Variants in DCLK1 observed in about 807,000 individuals in gnomAD.
DCLK1 encodes serine/threonine-protein kinase DCLK1.
DCLK1 carries 16 observed loss-of-function variants against 86.2 expected under a neutral mutation model. The ratio of observed to expected loss-of-function variants is 0.19; its 90% CI spans 0.13 to 0.28. DCLK1 has a LOEUF of 0.28. DCLK1 is among the 10% of genes least tolerant of loss of function. The probability of loss-of-function intolerance (pLI) is 1.00; values close to 1 mark genes in which losing one functional copy is unlikely to be tolerated. For synonymous variants in DCLK1, 369 were observed against 370.5 expected (o/e 1.00, Z 0.05); for missense variants, 590 against 940.2 (o/e 0.63, Z 4.87).
At chr13:35,882,460 T>C (rs1872972296) in intron 4 of DCLK1, among the ~76,000 whole-genome samples, 1 of 152,372 alleles carries the variant, frequency 6.6e-6, no homozygotes. Flanking sequence ...ATCACTTTGA[T>C]ACCAGCCTCT....
intron 4 of DCLK1, among the ~76,000 whole-genome samples, chr13:35,924,165 C>T (rs897247263): frequency 2.6e-5 from 4 of 152,158 alleles, no homozygotes; most frequent in African/African-American, 4.8e-5. Context: ...GCAGCTGCCT[C>T]ATCTGGTTCA....
At chr13:36,014,837 A>T (rs1198853736) in intron 3 of DCLK1, among the ~76,000 whole-genome samples, 3 of 152,188 alleles carry the variant, frequency 2.0e-5, no homozygotes, top group African/African-American at 7.2e-5. Flanking sequence ...ATTTCAAGTA[A>T]ATCATATGTT....
intron 15 of DCLK1, among the ~76,000 whole-genome samples, chr13:35,799,591 G>A (rs1300889789): frequency 6.6e-6 from 1 of 151,986 alleles, no homozygotes; most frequent in East Asian, 1.9e-4. Context: ...AAAATAATTT[G>A]ATGTAAAACA....
At chr13:36,033,056 C>T (rs565029990) in intron 3 of DCLK1, among the ~76,000 whole-genome samples, 2 of 152,182 alleles carry the variant, frequency 1.3e-5, no homozygotes, top group Non-Finnish European at 2.9e-5. Flanking sequence ...ACACACTGTG[C>T]GCCAAACATA....
chr13:35,955,086 C>G (rs1301968317), intron 3 of DCLK1, among the ~76,000 whole-genome samples: 1 of 152,152 alleles, frequency 6.6e-6, no homozygotes, highest in East Asian at 1.9e-4. Context: ...TGAACATACC[C>G]TCTGACCCAG....
chr13:35,847,691 T>C (rs1870308016), intron 6 of DCLK1: 2 of 950,858 alleles, frequency 2.1e-6, no homozygotes, highest in Non-Finnish European at 2.5e-6. Context: ...CTTCAGGGCA[T>C]GTGTTGGAAA....
chr13:36,115,625 C>G (rs988244147), intron 2 of DCLK1, among the ~76,000 whole-genome samples: 9 of 151,842 alleles, frequency 5.9e-5, no homozygotes, highest in African/African-American at 2.2e-4. Flanking sequence ...CTAAGACACT[C>G]CAACAAATAG....
chr13:35,892,744 C>T (rs1438836355), intron 4 of DCLK1, among the ~76,000 whole-genome samples: 3 of 152,202 alleles, frequency 2.0e-5, no homozygotes, highest in Non-Finnish European at 4.4e-5. Flanking sequence ...CAGGCTGTTT[C>T]CCCTTCAACC....
chr13:35,805,788 G>T lies in DCLK1; in HGVS notation c.1864-9C>A. On this transcript the variant is annotated splice_polypyrimidine_tract_variant and intron_variant, in intron 14 of 16. Coordinates refer to ENST00000360631, the MANE Select transcript of DCLK1 (RefSeq NM_001330071.2). The stretch of plus-strand genomic sequence containing the variant: ...ATCATGGTAATGAGCTCCTGTGAAG[G>T]GGAACGTTAGAGTCCATTTATCTGA... 1.9e-6 allele frequency: 3 copies of T among 1,611,588 alleles called. No homozygotes were observed. Among genetic ancestry groups the T allele is most frequent in the Middle Eastern group, 1.7e-4 (1 of 6,050 alleles).
intron 3 of DCLK1, among the ~76,000 whole-genome samples, chr13:35,970,202 C>A (rs142904286): frequency 6.6e-6 from 1 of 152,246 alleles, no homozygotes; most frequent in Non-Finnish European, 1.5e-5. Flanking sequence ...ATCTTCCTAA[C>A]AATTAAAGAA....
intron 3 of DCLK1, among the ~76,000 whole-genome samples, chr13:36,032,400 T>C (rs934144853): frequency 5.9e-5 from 9 of 152,212 alleles, no homozygotes; most frequent in African/African-American, 2.2e-4. Context: ...CACCTTGGCC[T>C]CCCAAAGTGT....
chr13:35,937,972 G>C (rs947443584), intron 4 of DCLK1, among the ~76,000 whole-genome samples: 2 of 152,078 alleles, frequency 1.3e-5, no homozygotes, highest in African/African-American at 4.8e-5. Flanking sequence ...AGAGACTATA[G>C]ATAGGGTAAA....
chr13:36,032,133 C>CT (rs376271793), intron 3 of DCLK1, among the ~76,000 whole-genome samples: 1,786 of 150,736 alleles, frequency 0.012, 37 homozygotes, highest in African/African-American at 0.041. Context: ...TTTTTCTTTT[C>CT]TTTTTTTTTC....
chr13:35,978,905 C>G (rs1879497305), intron 3 of DCLK1, among the ~76,000 whole-genome samples: 1 of 152,180 alleles, frequency 6.6e-6, no homozygotes, highest in Non-Finnish European at 1.5e-5. Context: ...GAATACACAC[C>G]TATTACCTTA....
At chr13:35,937,212 A>T (rs1246118849) in intron 4 of DCLK1, among the ~76,000 whole-genome samples, 1 of 151,494 alleles carries the variant, frequency 6.6e-6, no homozygotes, top group African/African-American at 2.4e-5. Flanking sequence ...TGACCTCATG[A>T]TCCGCCCGCC....
intron 15 of DCLK1, 98 bp downstream of exon 15, chr13:35,805,601 C>T: frequency 1.6e-6 from 2 of 1,268,274 alleles, no homozygotes; most frequent in Non-Finnish European, 2.2e-6. Flanking sequence ...GCCTGGCCCA[C>T]AACACTTTCA....
chr13:35,912,901 C>A (rs1875131903), intron 4 of DCLK1, among the ~76,000 whole-genome samples: 1 of 152,132 alleles, frequency 6.6e-6, no homozygotes, highest in Non-Finnish European at 1.5e-5. Context: ...GCAGAGAGCC[C>A]CACCTGGTCT....
At chr13:35,968,985 C>T (rs1223252482) in intron 3 of DCLK1, among the ~76,000 whole-genome samples, 1 of 152,188 alleles carries the variant, frequency 6.6e-6, no homozygotes, top group Non-Finnish European at 1.5e-5. Context: ...CAAAACGAAG[C>T]ACAACCTCTC....
intron 3 of DCLK1, among the ~76,000 whole-genome samples, chr13:36,013,488 T>C (rs1415006833): frequency 1.3e-5 from 2 of 152,182 alleles, no homozygotes; most frequent in Non-Finnish European, 2.9e-5. Context: ...TACTCTGCTG[T>C]GTGAGGTGTC....
Sources: gnomAD v4.1 joint callset for allele counts (sites outside exome capture counted in the v4.1 genomes callset) on GRCh38, gnomAD v4.1.1 for gene constraint, MANE v1.5 for transcripts, NCBI Gene and HGNC (gene_info 2026-07-23, HGNC 2026-07-21) for gene names.